STMND1: variants seen among roughly 807,000 people sequenced by gnomAD.
STMND1 encodes the protein stathmin domain-containing protein 1.
STMND1 carries 17 observed loss-of-function variants against 23.0 expected under a neutral mutation model. The observed-to-expected ratio is 0.74, with a 90% CI of 0.51 to 1.11. The LOEUF (loss-of-function observed/expected upper bound fraction) is 1.11. STMND1 is among the 50% of genes least tolerant of loss of function. STMND1 has a pLI of 0.00. For synonymous variants in STMND1, 114 were observed against 119.9 expected (o/e 0.95, Z 0.32); for missense variants, 305 against 329.1 (o/e 0.93, Z 0.57).
chr6:17,102,903 GCA>G (rs943935013), intron 1 of STMND1, among the ~76,000 whole-genome samples: 1 of 152,160 alleles, frequency 6.6e-6, no homozygotes, highest in Non-Finnish European at 1.5e-5. Flanking sequence ...TAATTTGGGG[GCA>G]CAGCGAAGGT....
rs946444755 is a variant in STMND1, at chr6:17,102,157, G to C, written c.-101G>C. 1.6e-6 allele frequency: 2 copies of C among 1,222,548 alleles called. No individual in the cohort carries two copies. The highest frequency in any genetic ancestry group is 1.1e-6 in the Non-Finnish European group (1 of 939,988). The allele number at this position is 1,222,548 out of a possible 1,614,324, so 75.7% of individuals were successfully genotyped here. A position where few individuals can be genotyped will look rare whatever the true frequency, so the allele number is the denominator to read the frequency against. On this transcript the variant is annotated 5_prime_UTR_variant, in exon 1 of 5. Transcript: ENST00000536551. ...CGCAGTAGCAGGGGCGTAGGGCGCAGGGCGCAGGAGCGCGGGACCACCGGC... is the reference window on the plus strand; with the variant it reads ...CGCAGTAGCAGGGGCGTAGGGCGCACGGCGCAGGAGCGCGGGACCACCGGC...
intron 1 of STMND1, among the ~76,000 whole-genome samples, chr6:17,106,857 G>T (rs910618116): frequency 1.3e-5 from 2 of 152,124 alleles, no homozygotes; most frequent in Admixed American, 1.3e-4. Context: ...ATCGTGGTGA[G>T]AAGATACAGT....
rs1761387964 is a variant in STMND1 at position 17,131,157 on chromosome 6, C to T, written c.*276C>T. 6.0e-6 allele frequency: 2 copies of T among 330,778 alleles called. No individual in the cohort carries two copies. 20.5% of individuals were successfully genotyped at this position (330,778 alleles called of 1,614,324 possible). On this transcript the variant is annotated 3_prime_UTR_variant, in exon 5 of 5. Coordinates refer to ENST00000536551, the MANE Select transcript of STMND1 (RefSeq NM_001190766.2). ...AAACATTATGGAGATGTCTTTAATT[C>T]ATTTATAAGTGCCTTCAGTTTACAT...
rs1048665898 is a variant in STMND1 at position 17,130,921 on chromosome 6, C to T, written c.*40C>T. On this transcript the variant is annotated 3_prime_UTR_variant, in exon 5 of 5. Transcript: ENST00000536551. ...ATTTCATAAGAAAGCATTCATTCTC[C>T]CCATTTGTGACATTTGTAGTATGTC... 20 of 1,463,218 alleles carry T rather than the reference C, an allele frequency of 1.4e-5. 2 individuals are homozygous for T. The African/African-American group carries it at 1.8e-4, about 13-fold the overall frequency. The allele number at this position is 1,463,218 out of a possible 1,614,324, so 90.6% of individuals were successfully genotyped here.
Position 17,129,000 on chromosome 6 carries a change from A to C in STMND1, c.412-112A>C, listed in dbSNP as rs1761347568. 5.2e-6 allele frequency: 6 copies of C among 1,163,534 alleles called. No individual in the cohort carries two copies. The South Asian group carries it at 7.9e-5, about 15-fold the overall frequency. The allele number at this position is 1,163,534 out of a possible 1,614,324, so 72.1% of individuals were successfully genotyped here. ...AGTGCCGGGATTACAGGCATGAGCC[A>C]CTGCACCCAGACTAGAATTTACATT... On this transcript the variant is annotated intron_variant, in intron 3 of 4. Transcript: ENST00000536551.
intron 1 of STMND1, among the ~76,000 whole-genome samples, chr6:17,107,328 A>G (rs565093040): frequency 7.2e-5 from 11 of 152,302 alleles, no homozygotes; most frequent in Non-Finnish European, 1.5e-4. Flanking sequence ...ATTTAAAAGC[A>G]ATACCTTATT....
intron 3 of STMND1, among the ~76,000 whole-genome samples, chr6:17,126,060 ATATATATATATTTTTT>A (rs1343096389): frequency 8.4e-5 from 2 of 23,894 alleles, no homozygotes; most frequent in South Asian, 2.7e-3. Flanking sequence ...ATATATATAT[ATATATATATATTTTTT>A]TTTTTTTTTT....
Position 17,130,981 on chromosome 6 carries a change from G to A in STMND1, c.*100G>A. The A allele has an allele frequency of 1.7e-6, 2 of 1,170,810 alleles. No individual in the cohort carries two copies. The highest frequency in any genetic ancestry group is 5.2e-5 in the East Asian group (2 of 38,704). The allele number at this position is 1,170,810 out of a possible 1,614,324, so 72.5% of individuals were successfully genotyped here. A position where few individuals can be genotyped will look rare whatever the true frequency, so the allele number is the denominator to read the frequency against. On this transcript the variant is annotated 3_prime_UTR_variant, in exon 5 of 5. Coordinates refer to ENST00000536551, the MANE Select transcript of STMND1 (RefSeq NM_001190766.2). ...TTGACTGACTGACCTCATTCCACTG[G>A]GATTTCTGCCTTGGGCTTAAGGATG...
intron 1 of STMND1, among the ~76,000 whole-genome samples, chr6:17,104,206 C>A (rs1009997599): frequency 6.6e-6 from 1 of 152,150 alleles, no homozygotes; most frequent in Non-Finnish European, 1.5e-5. Context: ...AACTCATGAT[C>A]ACTTTGGACT....
chr6:17,113,875 G>T (rs973565356), intron 1 of STMND1, among the ~76,000 whole-genome samples: 2 of 152,028 alleles, frequency 1.3e-5, no homozygotes, highest in Admixed American at 6.5e-5. Flanking sequence ...GTCTATCTTG[G>T]TATCCTCCAG....
intron 3 of STMND1, among the ~76,000 whole-genome samples, chr6:17,124,111 C>G (rs1383966632): frequency 6.7e-6 from 1 of 150,002 alleles, no homozygotes; most frequent in African/African-American, 2.4e-5. Flanking sequence ...TCAAGGGAAA[C>G]AAAAAAGGGA....
At chr6:17,107,488 G>A (rs571689698) in intron 1 of STMND1, among the ~76,000 whole-genome samples, 29 of 152,140 alleles carry the variant, frequency 1.9e-4, no homozygotes, top group Admixed American at 1.8e-3. Flanking sequence ...CCGTACCCCC[G>A]AGGAAAAAAT....
chr6:17,106,491 C>G (rs954812357), intron 1 of STMND1, among the ~76,000 whole-genome samples: 1 of 152,114 alleles, frequency 6.6e-6, no homozygotes, highest in Non-Finnish European at 1.5e-5. Context: ...AGTAGCCTAA[C>G]TAGACTAATG....
At chr6:17,108,335 G>A (rs563078656) in intron 1 of STMND1, among the ~76,000 whole-genome samples, 4 of 108,852 alleles carry the variant, frequency 3.7e-5, no homozygotes, top group South Asian at 3.0e-4. Context: ...ATTCAAATTC[G>A]CTCTCAATTC....
intron 1 of STMND1, among the ~76,000 whole-genome samples, chr6:17,110,253 A>G (rs1364776274): frequency 6.6e-6 from 1 of 152,212 alleles, no homozygotes; most frequent in African/African-American, 2.4e-5. Context: ...GCATGGCGTC[A>G]CGTGCCTGTA....
At chr6:17,115,396 A>G (rs1761146621) in intron 2 of STMND1, among the ~76,000 whole-genome samples, 1 of 148,194 alleles carries the variant, frequency 6.7e-6, no homozygotes, top group African/African-American at 2.5e-5. Context: ...AAAAAAAAAG[A>G]ACTAAGAGGC....
intron 3 of STMND1, among the ~76,000 whole-genome samples, chr6:17,124,928 G>A (rs1761276911): frequency 6.6e-6 from 1 of 151,788 alleles, no homozygotes; most frequent in Admixed American, 6.6e-5. Flanking sequence ...GAGCCTGGAA[G>A]TTCGAGGCTG....
At chr6:17,108,509 A>ATCTAGTTTCACAAGTTTATTT (rs1241746203) in intron 1 of STMND1, among the ~76,000 whole-genome samples, 2 of 152,168 alleles carry the variant, frequency 1.3e-5, no homozygotes, top group Non-Finnish European at 2.9e-5. Context: ...TCAAAAAATG[A>ATCTAGTTTCACAAGTTTATTT]TGGATCTGCA....
chr6:17,119,072 A>G (rs1409244234), intron 2 of STMND1, among the ~76,000 whole-genome samples: 1 of 152,162 alleles, frequency 6.6e-6, no homozygotes. Context: ...TGACCTTTTC[A>G]TTGAAATCTT....
Sources: gnomAD v4.1 joint callset for allele counts (sites outside exome capture counted in the v4.1 genomes callset) on GRCh38, gnomAD v4.1.1 for gene constraint, MANE v1.5 for transcripts, NCBI Gene and HGNC (gene_info 2026-07-23, HGNC 2026-07-21) for gene names.